SOD2: variants seen among roughly 807,000 people sequenced by gnomAD.
The protein encoded by SOD2 is superoxide dismutase [Mn], mitochondrial.
In SOD2, 11 loss-of-function variants were observed where a neutral mutation model predicts 27.0. The ratio of observed to expected loss-of-function variants is 0.41; its 90% CI spans 0.26 to 0.67. SOD2 has a LOEUF of 0.67. SOD2 is among the 30% of genes least tolerant of loss of function. The pLI is 0.34. For synonymous variants in SOD2, 105 were observed against 103.0 expected (o/e 1.02, Z -0.12); for missense variants, 250 against 274.5 (o/e 0.91, Z 0.63).
At chr6:159,728,662 A>G (rs1020562386), upstream of SOD2, among the ~76,000 whole-genome samples, 5 of 152,254 alleles carry the variant, frequency 3.3e-5, no homozygotes. Flanking sequence ...ATTTAAAACT[A>G]TGAGCGAAAA....
rs530643106 is a variant in SOD2, at chr6:159,679,099, A to G, written c.*3394T>C. The G allele has an allele frequency of 6.6e-6, 1 of 152,340 alleles. No individual in the cohort carries two copies. The highest frequency in any genetic ancestry group is 2.4e-5 in the African/African-American group (1 of 41,576). The allele number at this position is 152,340 out of a possible 1,614,324, so 9.4% of individuals were successfully genotyped here. On this transcript the variant is annotated 3_prime_UTR_variant, in exon 5 of 5. Coordinates refer to ENST00000538183, the MANE Select transcript of SOD2 (RefSeq NM_000636.4). ...GGATTTTTAAAGTTTTTGACATGCA[A>G]GCATAATGCAGACCTCTTTGATGGT...
At chr6:159,685,124 G>T in intron 3 of SOD2, 91 bp from the exon 4 acceptor site, 1 of 829,212 alleles carries the variant, frequency 1.2e-6, no homozygotes, top group Non-Finnish European at 1.7e-6. Flanking sequence ...AAATATTTTT[G>T]TCATAGGGCC....
intron 1 of SOD2, among the ~76,000 whole-genome samples, chr6:159,719,507 T>C (rs984392596): frequency 6.6e-6 from 1 of 151,192 alleles, no homozygotes; most frequent in African/African-American, 2.4e-5. Flanking sequence ...GTGCTTGTGG[T>C]CGCAGCTACT....
chr6:159,753,543 G>T, intron 1 of SOD2: 5 of 1,614,170 alleles, frequency 3.1e-6, no homozygotes, highest in Non-Finnish European at 4.2e-6. Context: ...TCCCAGGGAC[G>T]TATTGCACAA....
chr6:159,724,075 C>CT (rs903877365), intron 1 of SOD2, among the ~76,000 whole-genome samples: 2 of 151,738 alleles, frequency 1.3e-5, no homozygotes, highest in Non-Finnish European at 2.9e-5. Context: ...ATACTACAGA[C>CT]TTTTTTTTTC....
chr6:159,727,376 G>T, upstream of SOD2: 3 of 1,105,692 alleles, frequency 2.7e-6, no homozygotes, highest in South Asian at 4.7e-5. Flanking sequence ...GGGGAGGCTG[G>T]CGGGAGGCGG....
chr6:159,736,341 T>G (rs749585936), intron 1 of SOD2: 15 of 1,486,822 alleles, frequency 1.0e-5, no homozygotes, highest in Middle Eastern at 1.7e-4. Flanking sequence ...TTGGGTTTTT[T>G]GGGGGCTTTT....
intron 1 of SOD2, among the ~76,000 whole-genome samples, chr6:159,717,925 G>GTA (rs1777952550): frequency 7.0e-6 from 1 of 143,164 alleles, no homozygotes; most frequent in African/African-American, 2.6e-5. Context: ...GTGTGTGTGT[G>GTA]TGTATATGTG....
intron 1 of SOD2, among the ~76,000 whole-genome samples, chr6:159,701,710 T>C (rs1269915579): frequency 6.6e-6 from 1 of 152,226 alleles, no homozygotes; most frequent in Non-Finnish European, 1.5e-5. Flanking sequence ...TCATTGTTAC[T>C]GTTAATAGTC....
At chr6:159,735,306 T>C (rs1778839095) in intron 1 of SOD2, among the ~76,000 whole-genome samples, 1 of 152,138 alleles carries the variant, frequency 6.6e-6, no homozygotes, top group Non-Finnish European at 1.5e-5. Context: ...GCCGGGCTAA[T>C]TTTTTTAATT....
At chr6:159,685,537 C>T (rs1015325058) in intron 3 of SOD2, among the ~76,000 whole-genome samples, 3 of 151,922 alleles carry the variant, frequency 2.0e-5, no homozygotes, top group Non-Finnish European at 2.9e-5. Context: ...CCACCGTGCC[C>T]GGTTCAAATT....
chr6:159,761,974 A>G (rs756846449), exon 1 of SOD2: 3 of 1,213,418 alleles, frequency 2.5e-6, no homozygotes, highest in African/African-American at 1.5e-5. Flanking sequence ...GGGGAGGTGG[A>G]GGGCGAGGGG....
chr6:159,719,707 T>C (rs1261804915), intron 1 of SOD2, among the ~76,000 whole-genome samples: 1 of 145,016 alleles, frequency 6.9e-6, no homozygotes, highest in South Asian at 2.2e-4. Flanking sequence ...TCTAACTCAG[T>C]ATTATGGTTT....
rs1777805728 is a variant in SOD2 at position 159,712,152 on chromosome 6, C to CAT, written c.-116+14976_-116+14977insAT. ...AACCACCTCCATAACCACCACTCAG[C>CAT]TGCTCTGACCACCATAACCACCTCC... On this transcript the variant is annotated intron_variant, in intron 1 of 2. Coordinates refer to the SOD2 transcript ENST00000401980. Among the ~76,000 whole-genome samples, 5 of 77,264 alleles carry CAT rather than the reference C, an allele frequency of 6.5e-5. 1 individual carries two copies. The highest frequency in any genetic ancestry group is 1.1e-4 in the African/African-American group (3 of 27,372). 50.7% of individuals were successfully genotyped at this position (77,264 alleles called of 152,430 possible).
At chr6:159,748,516 T>C (rs1779703092), upstream of SOD2, 1 of 1,434,172 alleles carries the variant, frequency 7.0e-7, no homozygotes, top group Non-Finnish European at 9.2e-7. The surrounding 1 kb of genome is among the most constrained non-coding windows in gnomAD (Gnocchi z 5.6). Context: ...GTCCAGCTTG[T>C]AATGGTTAAT....
chr6:159,727,048 T>C lies in SOD2; in HGVS notation c.-116+81A>G, dbSNP rs991655083. 2.5e-6 allele frequency: 3 copies of C among 1,220,176 alleles called. No homozygotes were observed. In the South Asian group the frequency reaches 4.3e-5, roughly 17 times the overall value. The allele number at this position is 1,220,176 out of a possible 1,614,324, so 75.6% of individuals were successfully genotyped here. A position where few individuals can be genotyped will look rare whatever the true frequency, so the allele number is the denominator to read the frequency against. ...AGCCGCAGGTGGCCCCGGCGAGTAC[T>C]TCCACCTTCCCTTCCCGTGATGCCC... On this transcript the variant is annotated intron_variant, in intron 1 of 2. Coordinates refer to the SOD2 transcript ENST00000401980.
At chr6:159,739,148 C>T in intron 1 of SOD2, 1 of 921,154 alleles carries the variant, frequency 1.1e-6, no homozygotes, top group Non-Finnish European at 1.6e-6. Context: ...TAATGTTGTT[C>T]TATCCTCAAA....
intron 1 of SOD2, among the ~76,000 whole-genome samples, chr6:159,744,230 ATTG>A (rs1048162554): frequency 2.0e-5 from 3 of 151,444 alleles, no homozygotes; most frequent in African/African-American, 7.3e-5. Flanking sequence ...CTCCTTTTTA[ATTG>A]TTAGAACTTT....
chr6:159,684,817 A>T (rs758055552), intron 4 of SOD2, 37 bp downstream of exon 4: 2 of 1,528,372 alleles, frequency 1.3e-6, no homozygotes, highest in South Asian at 2.3e-5. Context: ...ACAGTAGAGC[A>T]TCTCTCCCAA....
Sources: gnomAD v4.1 joint callset for allele counts (sites outside exome capture counted in the v4.1 genomes callset) on GRCh38, gnomAD v4.1.1 for gene constraint, Gnocchi (gnomAD v3.1) non-coding constraint, MANE v1.5 for transcripts, NCBI Gene and HGNC (gene_info 2026-07-23, HGNC 2026-07-21) for gene names.